CDH4: variants seen among roughly 807,000 people sequenced by gnomAD.
CDH4 encodes the protein cadherin-4.
In CDH4, 33 loss-of-function variants were observed where a neutral mutation model predicts 86.0. The observed-to-expected ratio is 0.38, with a 90% CI of 0.29 to 0.51. CDH4 has a LOEUF of 0.51. Among genes scored for constraint, CDH4 ranks in the 20% least tolerant of loss-of-function variants. The pLI, the probability that CDH4 is intolerant of heterozygous loss-of-function variation, is 0.86. For synonymous variants in CDH4, 555 were observed against 549.4 expected, an observed-to-expected ratio of 1.01 and a Z score of -0.14; for missense variants, 1,114 against 1,307.4, an observed-to-expected ratio of 0.85 and a Z score of 2.28.
At chr20:61,289,733 C>T (rs112010283) in intron 2 of CDH4, among the ~76,000 whole-genome samples, 450 of 95,998 alleles carry the variant, frequency 4.7e-3, no homozygotes, top group South Asian at 8.3e-3. Context: ...CCGTATCCAA[C>T]GAGACTTGCT....
intron 2 of CDH4, among the ~76,000 whole-genome samples, chr20:61,696,325 A>G (rs1012509126): frequency 6.6e-6 from 1 of 152,226 alleles, no homozygotes; most frequent in African/African-American, 2.4e-5. Flanking sequence ...CCAGATGTCC[A>G]GTACCTCAGG....
intron 2 of CDH4, among the ~76,000 whole-genome samples, chr20:61,317,542 C>T (rs538988243): frequency 1.3e-5 from 2 of 152,278 alleles, no homozygotes; most frequent in South Asian, 4.1e-4. Context: ...TTCACCATTG[C>T]TCCAGACCAG....
At chr20:61,504,875 T>C (rs988729638) in intron 2 of CDH4, among the ~76,000 whole-genome samples, 1 of 152,184 alleles carries the variant, frequency 6.6e-6, no homozygotes, top group African/African-American at 2.4e-5. Context: ...CCTCATCACC[T>C]TCACCGTTTC....
chr20:61,539,566 C>T (rs1398508083), intron 2 of CDH4, among the ~76,000 whole-genome samples: 1 of 152,198 alleles, frequency 6.6e-6, no homozygotes, highest in African/African-American at 2.4e-5. Flanking sequence ...TTTGCCTTAA[C>T]CCCGTTTTAA....
At chr20:61,592,029 A>G (rs2086522644) in intron 2 of CDH4, among the ~76,000 whole-genome samples, 1 of 152,162 alleles carries the variant, frequency 6.6e-6, no homozygotes, top group Admixed American at 6.5e-5. Context: ...TATCTGCCTA[A>G]CAGTCAAACA....
chr20:61,524,787 GT>G (rs2085898351), intron 2 of CDH4, among the ~76,000 whole-genome samples: 1 of 152,112 alleles, frequency 6.6e-6, no homozygotes, highest in African/African-American at 2.4e-5. Context: ...CTGACCAACT[GT>G]TTCAAAATTA....
At chr20:61,282,157 G>A (rs529861651) in intron 2 of CDH4, among the ~76,000 whole-genome samples, 7 of 152,280 alleles carry the variant, frequency 4.6e-5, no homozygotes, top group South Asian at 2.1e-4. Flanking sequence ...TCAGGAGTTC[G>A]AGACCAGCCT....
chr20:61,817,690 G>C (rs112881458), intron 4 of CDH4, among the ~76,000 whole-genome samples: 22 of 152,304 alleles, frequency 1.4e-4, no homozygotes, highest in African/African-American at 5.3e-4. Flanking sequence ...TCCACGGCTA[G>C]CTATGCCGGG....
intron 4 of CDH4, among the ~76,000 whole-genome samples, chr20:61,776,421 G>C (rs763211197): frequency 1.4e-4 from 21 of 152,180 alleles, no homozygotes; most frequent in Non-Finnish European, 2.9e-4. Context: ...CAAATTCCGT[G>C]CTCCCAGGAA....
At chr20:61,809,600 G>A (rs1178444077) in intron 4 of CDH4, among the ~76,000 whole-genome samples, 1 of 152,212 alleles carries the variant, frequency 6.6e-6, no homozygotes, top group African/African-American at 2.4e-5. Context: ...CACAAGGCAT[G>A]GCTGGATCCC....
chr20:61,325,004 C>T (rs998686632), intron 2 of CDH4, among the ~76,000 whole-genome samples: 2 of 152,196 alleles, frequency 1.3e-5, no homozygotes, highest in Non-Finnish European at 2.9e-5. Flanking sequence ...CTGGCTCCTA[C>T]CCCTTGCAGC....
At chr20:61,305,519 G>A (rs6101302) in intron 2 of CDH4, among the ~76,000 whole-genome samples, 2,098 of 152,326 alleles carry the variant, frequency 0.014, 57 homozygotes, top group African/African-American at 0.048. Context: ...AGGTCCTCAC[G>A]ACATTCCAAG....
chr20:61,805,299 GAGTGGAC>G lies in CDH4; in HGVS notation c.576+32129_576+32135del, dbSNP rs1486930438. 3.3e-5 allele frequency among the ~76,000 whole-genome samples: 5 copies of G among 152,364 alleles called. No homozygotes were observed. The East Asian group carries it at 7.7e-4, about 24-fold the overall frequency. The stretch of plus-strand genomic sequence containing the variant: ...GGGGTGCTGTCCCCAGAAGAGGGGA[GAGTGGAC>G]AGTGGACAGTGAGCAAGCAAAACAA... On this transcript the variant is annotated intron_variant, in intron 4 of 15. Transcript: ENST00000614565.
At chr20:61,853,346 G>C (rs938782429) in intron 6 of CDH4, among the ~76,000 whole-genome samples, 5 of 152,146 alleles carry the variant, frequency 3.3e-5, no homozygotes, top group African/African-American at 9.7e-5. Context: ...TCAGAGGGCT[G>C]AGGCCACTGG....
intron 2 of CDH4, among the ~76,000 whole-genome samples, chr20:61,730,038 A>C (rs1290498397): frequency 6.6e-6 from 1 of 152,190 alleles, no homozygotes; most frequent in East Asian, 1.9e-4. Flanking sequence ...AAAATGGAGC[A>C]GGAAGTCACC....
At chr20:61,256,613 TG>T (rs1435959731) in intron 2 of CDH4, among the ~76,000 whole-genome samples, 1 of 152,168 alleles carries the variant, frequency 6.6e-6, no homozygotes, top group Non-Finnish European at 1.5e-5. Context: ...GTTCGCCTCG[TG>T]GGGGGCCAAG....
At position 61,731,680 on chromosome 20, in the gene CDH4, A is replaced by G. The variant is rs532265461; in HGVS notation, c.170-11883A>G. ...ACTGCGCAGGTGGGTTGGGATGGGC[A>G]GGCCCCGTGCAGACGCTGCCACATC... is the stretch of plus-strand genomic sequence containing the variant. On this transcript the variant is annotated intron_variant, in intron 2 of 15. Coordinates refer to ENST00000614565, the MANE Select transcript of CDH4 (RefSeq NM_001794.5). 7.2e-5 allele frequency among the ~76,000 whole-genome samples: 11 copies of G among 152,356 alleles called. No homozygotes were observed. In the East Asian group the frequency reaches 1.9e-3, roughly 27 times the overall value.
chr20:61,336,840 CTCTCT>C (rs1318953473), intron 2 of CDH4, among the ~76,000 whole-genome samples: 4 of 152,164 alleles, frequency 2.6e-5, no homozygotes, highest in Non-Finnish European at 5.9e-5. Flanking sequence ...TCCTTCCTAT[CTCTCT>C]TCTCTTGAAA....
intron 5 of CDH4, among the ~76,000 whole-genome samples, chr20:61,850,044 G>A (rs530972566): frequency 1.6e-4 from 25 of 152,324 alleles, no homozygotes; most frequent in African/African-American, 5.3e-4. Flanking sequence ...ACTGTGACAC[G>A]TGTCACCCTA....
Sources: allele counts gnomAD v4.1 joint callset (sites outside exome capture counted in the v4.1 genomes callset), GRCh38; gene constraint gnomAD v4.1.1; transcripts MANE v1.5; gene names NCBI Gene and HGNC (gene_info 2026-07-23, HGNC 2026-07-21).